The following GLYATL2 variants were observed in gnomAD, a reference collection of about 807,000 sequenced individuals.
GLYATL2 encodes glycine-N-acyltransferase like 2, also known as glycine N-acyltransferase-like protein 2.
In GLYATL2, 25 loss-of-function variants were observed where a neutral mutation model predicts 21.4. That is an observed-to-expected ratio of 1.17 (90% CI 0.85 to 1.63). GLYATL2 has a LOEUF of 1.63. GLYATL2 is among the 40% of genes most tolerant of loss of function. The pLI is 0.00. For synonymous variants in GLYATL2, 114 were observed against 118.2 expected, an observed-to-expected ratio of 0.96 and a Z score of 0.23; for missense variants, 361 against 343.3, an observed-to-expected ratio of 1.05 and a Z score of -0.41.
the GLYATL2 span, among the ~76,000 whole-genome samples, chr11:58,909,473 T>A: frequency 6.6e-6 from 1 of 152,208 alleles, no homozygotes; most frequent in East Asian, 1.9e-4. Flanking sequence ...ATTCTGGTGA[T>A]AATGTATCTC....
chr11:58,838,866 C>T (rs1270531017), intron 2 of GLYATL2, among the ~76,000 whole-genome samples: 1 of 152,002 alleles, frequency 6.6e-6, no homozygotes, highest in African/African-American at 2.4e-5. Flanking sequence ...AAAAGCACTA[C>T]CTGTCTAGGA....
At chr11:58,877,150 G>C (rs1456322870) in intron 1 of GLYATL2, among the ~76,000 whole-genome samples, 2 of 152,244 alleles carry the variant, frequency 1.3e-5, no homozygotes, top group Middle Eastern at 3.2e-3. Context: ...CACAGTATTA[G>C]GGTGGGAGTA....
At chr11:58,902,516 C>T (rs1854757521) in intron 1 of GLYATL2, among the ~76,000 whole-genome samples, 1 of 152,196 alleles carries the variant, frequency 6.6e-6, no homozygotes, top group Non-Finnish European at 1.5e-5. Flanking sequence ...ACTCTAAATA[C>T]AGACATCAGC....
intron 1 of GLYATL2, among the ~76,000 whole-genome samples, chr11:58,841,514 TTTAAAG>T: frequency 6.6e-6 from 1 of 152,274 alleles, no homozygotes; most frequent in South Asian, 2.1e-4. Flanking sequence ...TGAAGGACAT[TTTAAAG>T]ACCTCTAATC....
chr11:58,884,251 A>G (rs1264160412), intron 1 of GLYATL2, among the ~76,000 whole-genome samples: 1 of 152,214 alleles, frequency 6.6e-6, no homozygotes, highest in African/African-American at 2.4e-5. Flanking sequence ...AGAGTATTCA[A>G]TTAGGAAAAG....
At chr11:58,878,914 C>T (rs943277964) in intron 1 of GLYATL2, among the ~76,000 whole-genome samples, 1 of 152,150 alleles carries the variant, frequency 6.6e-6, no homozygotes, top group African/African-American at 2.4e-5. Flanking sequence ...TCAGTAAAGT[C>T]CCTTTTGGCT....
upstream of GLYATL2, chr11:58,905,584 C>A (rs911877873): frequency 1.3e-5 from 6 of 456,198 alleles, no homozygotes; most frequent in African/African-American, 8.0e-5. Context: ...CCGCGCAACC[C>A]CTCCTTGGCT....
At chr11:58,850,288 T>C (rs758799488) in intron 1 of GLYATL2, among the ~76,000 whole-genome samples, 9 of 152,044 alleles carry the variant, frequency 5.9e-5, no homozygotes, top group Non-Finnish European at 1.2e-4. Flanking sequence ...AGAGGTTTTA[T>C]TATGAAGGGA....
upstream of GLYATL2, among the ~76,000 whole-genome samples, chr11:58,846,107 G>A (rs10792184): frequency 0.26 from 39,348 of 151,926 alleles, 5,575 homozygotes; most frequent in East Asian, 0.51. Flanking sequence ...TTTAAAAAAT[G>A]GTCCATTTCA....
chr11:58,851,529 A>G (rs1244874990), intron 1 of GLYATL2, among the ~76,000 whole-genome samples: 2 of 151,474 alleles, frequency 1.3e-5, no homozygotes, highest in Middle Eastern at 3.2e-3. Context: ...GTATATGCAC[A>G]TACTCTGTAC....
At chr11:58,888,694 T>C (rs1417366474) in intron 1 of GLYATL2, among the ~76,000 whole-genome samples, 6 of 151,930 alleles carry the variant, frequency 3.9e-5, no homozygotes, top group Non-Finnish European at 7.4e-5. Flanking sequence ...TTTTAATATC[T>C]AATAAAGCAA....
intron 1 of GLYATL2, among the ~76,000 whole-genome samples, chr11:58,844,170 T>C (rs1853602043): frequency 6.6e-6 from 1 of 152,090 alleles, no homozygotes; most frequent in African/African-American, 2.4e-5. Context: ...TACAAGCATA[T>C]TGATAACTTA....
chr11:58,863,676 G>C (rs550276403), intron 1 of GLYATL2, among the ~76,000 whole-genome samples: 8 of 152,322 alleles, frequency 5.3e-5, no homozygotes, highest in Non-Finnish European at 8.8e-5. Context: ...CTAGAAGCTG[G>C]GGAATGGCCT....
chr11:58,875,892 C>G (rs1170521653), intron 1 of GLYATL2, among the ~76,000 whole-genome samples: 3 of 152,218 alleles, frequency 2.0e-5, no homozygotes, highest in Non-Finnish European at 2.9e-5. Context: ...TGTTTTCCAA[C>G]TTGGTTCCAT....
upstream of GLYATL2, among the ~76,000 whole-genome samples, chr11:58,845,948 G>C (rs1853634592): frequency 6.6e-6 from 1 of 152,084 alleles, no homozygotes; most frequent in African/African-American, 2.4e-5. Context: ...GTAAGGCATT[G>C]AGTTTTATAG....
chr11:58,849,556 T>C (rs1853703562), upstream of GLYATL2, among the ~76,000 whole-genome samples: 1 of 152,056 alleles, frequency 6.6e-6, no homozygotes, highest in African/African-American at 2.4e-5. Flanking sequence ...TATACTAAAG[T>C]CTCTCAGTAA....
chr11:58,840,469 T>C (rs948970535), intron 1 of GLYATL2, among the ~76,000 whole-genome samples: 1 of 152,100 alleles, frequency 6.6e-6, no homozygotes, highest in East Asian at 1.9e-4. Flanking sequence ...AATGATGTCT[T>C]TGAAGAGTGT....
intron 1 of GLYATL2, among the ~76,000 whole-genome samples, chr11:58,895,757 C>A (rs1854623394): frequency 1.1e-5 from 1 of 93,030 alleles, no homozygotes; most frequent in East Asian, 3.0e-4. Context: ...AAGCCTCAAG[C>A]ATAGATAAGC....
In GLYATL2 at chr11:58,837,312, T is replaced by C; in HGVS notation, c.272A>G (p.Tyr91Cys). 6.2e-7 allele frequency: 1 copy of C among 1,613,960 alleles called. No individual in the cohort carries two copies. Among genetic ancestry groups the C allele is most frequent in the Non-Finnish European group, 8.5e-7 (1 of 1,179,850 alleles). ...APDKLEEVLS[Y>C]SNVISWEQTL... ...TTGCTCCCAGCTGATTACATTGGAG[T>C]ATGACAGGACTTCCTCTAATTTGTC... The change falls in exon 4 of 6, where the codon TAC (tyrosine) becomes TGC (cysteine). Residue 91 changes from tyrosine to cysteine, a missense_variant. Transcript: ENST00000287275.
Sources: gnomAD v4.1 joint callset for allele counts (sites outside exome capture counted in the v4.1 genomes callset) on GRCh38, gnomAD v4.1.1 for gene constraint, MANE v1.5 for transcripts, NCBI Gene and HGNC (gene_info 2026-07-23, HGNC 2026-07-21) for gene names.